NDUFS4: variants seen among roughly 807,000 people sequenced by gnomAD.
The protein encoded by NDUFS4 is NADH dehydrogenase [ubiquinone] iron-sulfur protein 4, mitochondrial.
A neutral mutation model predicts 24.3 loss-of-function variants in NDUFS4; 28 were observed. The ratio of observed to expected loss-of-function variants is 1.15; its 90% CI spans 0.85 to 1.58. The LOEUF (loss-of-function observed/expected upper bound fraction) is 1.58. NDUFS4 is among the 40% of genes most tolerant of loss of function. The pLI is 0.00. For synonymous variants in NDUFS4, 93 were observed against 69.7 expected (o/e 1.34, Z -1.67); for missense variants, 223 against 207.9 (o/e 1.07, Z -0.45).
In NDUFS4 at chr5:53,683,116, A is replaced by G; in HGVS notation, c.425-2A>G. On this transcript the variant is annotated splice_acceptor_variant, in intron 4 of 4. Coordinates refer to ENST00000296684, the MANE Select transcript of NDUFS4 (RefSeq NM_002495.4). LOFTEE classifies it high-confidence loss of function. ...GGATTTGTCTTTGTTTTTTCCTCCT[A>G]GGATGGAGCTATGACATTGAAGAGA... The G allele has an allele frequency of 1.3e-6, 2 of 1,582,146 alleles. No homozygotes were observed. The highest frequency in any genetic ancestry group is 1.7e-6 in the Non-Finnish European group (2 of 1,151,336).
chr5:53,645,940 G>A (rs1044136024), intron 2 of NDUFS4, among the ~76,000 whole-genome samples: 3 of 152,014 alleles, frequency 2.0e-5, no homozygotes, highest in African/African-American at 7.3e-5. Context: ...GCTCTTCTGC[G>A]AGCAAACAGT....
At chr5:53,577,023 G>T (rs763282041) in intron 1 of NDUFS4, among the ~76,000 whole-genome samples, 1 of 152,050 alleles carries the variant, frequency 6.6e-6, no homozygotes, top group Non-Finnish European at 1.5e-5. Context: ...ACCTTAGTTT[G>T]TCTTCTCCTT....
chr5:53,670,835 C>T (rs544836408), intron 4 of NDUFS4, among the ~76,000 whole-genome samples: 27 of 151,354 alleles, frequency 1.8e-4, no homozygotes, highest in Admixed American at 7.9e-4. Context: ...TACTGTAGGT[C>T]TCTACAGAGA....
intron 4 of NDUFS4, among the ~76,000 whole-genome samples, chr5:53,661,388 A>G (rs371641477): frequency 2.6e-5 from 4 of 151,928 alleles, no homozygotes; most frequent in African/African-American, 4.8e-5. Context: ...GTACCATGCT[A>G]TTTTGGTTAC....
At position 53,565,713 on chromosome 5, in the gene NDUFS4, G is replaced by A. The variant is rs572748713; in HGVS notation, c.98+4953G>A. On this transcript the variant is annotated intron_variant, in intron 1 of 4. Transcript: ENST00000296684. The stretch of plus-strand genomic sequence containing the variant: ...CTAGAACTCTGTTAACTTTTGGATT[G>A]AAGTTGTCTTATGAATAGATTTTGT... Among the ~76,000 whole-genome samples the A allele has an allele frequency of 3.3e-4, 50 of 152,294 alleles. 1 individual carries two copies. Among genetic ancestry groups the A allele is most frequent in the African/African-American group, 1.2e-3 (48 of 41,556 alleles).
intron 1 of NDUFS4, among the ~76,000 whole-genome samples, chr5:53,562,845 A>G (rs1164179703): frequency 6.6e-6 from 1 of 152,228 alleles, no homozygotes; most frequent in Admixed American, 6.5e-5. Flanking sequence ...TAATGCTTAG[A>G]AAAACATTTG....
intron 1 of NDUFS4, among the ~76,000 whole-genome samples, chr5:53,599,175 T>G (rs1750231973): frequency 6.6e-6 from 1 of 152,190 alleles, no homozygotes; most frequent in Non-Finnish European, 1.5e-5. Flanking sequence ...AAAATATGAT[T>G]ATTAATATTT....
Position 53,566,923 on chromosome 5 carries a change from A to G in NDUFS4, c.98+6163A>G, listed in dbSNP as rs371156401. 4.3e-4 allele frequency among the ~76,000 whole-genome samples: 62 copies of G among 145,718 alleles called. No homozygotes were observed. In the East Asian group the frequency reaches 8.6e-3, roughly 20 times the overall value. ...AAATGCAGTGGCGTGATCTCGGCTC[A>G]CTGTGAACTCTGCCTCCCAGGTTCA... On this transcript the variant is annotated intron_variant, in intron 1 of 4. Transcript: ENST00000296684.
chr5:53,648,401 C>T (rs1751923836), intron 3 of NDUFS4, among the ~76,000 whole-genome samples: 1 of 152,182 alleles, frequency 6.6e-6, no homozygotes, highest in South Asian at 2.1e-4. Flanking sequence ...CATTTGGCTT[C>T]CAAACTTTTT....
chr5:53,584,807 G>A (rs536929021), intron 1 of NDUFS4, among the ~76,000 whole-genome samples: 40 of 150,882 alleles, frequency 2.7e-4, no homozygotes, highest in African/African-American at 8.5e-4. Context: ...TCACTCTGTC[G>A]CCCAAGGTGG....
chr5:53,583,544 A>G (rs1258887946), intron 1 of NDUFS4, among the ~76,000 whole-genome samples: 2 of 152,216 alleles, frequency 1.3e-5, no homozygotes, highest in Non-Finnish European at 2.9e-5. Context: ...GTATAAACCC[A>G]GACTTTGGAA....
At chr5:53,640,816 G>A (rs1204812043) in intron 2 of NDUFS4, among the ~76,000 whole-genome samples, 1 of 152,052 alleles carries the variant, frequency 6.6e-6, no homozygotes, top group Non-Finnish European at 1.5e-5. Context: ...AGACTTTGTT[G>A]CTATAGTGGT....
intron 3 of NDUFS4, among the ~76,000 whole-genome samples, chr5:53,650,315 T>A: frequency 6.6e-6 from 1 of 152,168 alleles, no homozygotes; most frequent in Non-Finnish European, 1.5e-5. Context: ...ATTGCAAGGT[T>A]TGTGGCTGAG....
At chr5:53,562,910 A>G (rs1453228494) in intron 1 of NDUFS4, among the ~76,000 whole-genome samples, 1 of 150,840 alleles carries the variant, frequency 6.6e-6, no homozygotes, top group Non-Finnish European at 1.5e-5. Context: ...TGGAATCAGT[A>G]AGGTAAGGAG....
chr5:53,599,907 T>C (rs189085034), intron 1 of NDUFS4, among the ~76,000 whole-genome samples: 246 of 152,242 alleles, frequency 1.6e-3, no homozygotes, highest in African/African-American at 5.3e-3. Context: ...TACAGGCTAA[T>C]CAACAAACAG....
chr5:53,630,553 T>C (rs1751382416), intron 2 of NDUFS4, among the ~76,000 whole-genome samples: 1 of 152,180 alleles, frequency 6.6e-6, no homozygotes, highest in Non-Finnish European at 1.5e-5. Context: ...CATAATCGTA[T>C]ATTTCTTGGA....
At chr5:53,595,187 C>T (rs942360632) in intron 1 of NDUFS4, among the ~76,000 whole-genome samples, 2 of 152,062 alleles carry the variant, frequency 1.3e-5, no homozygotes, top group African/African-American at 4.8e-5. Flanking sequence ...TGTTACCTGG[C>T]AAGGAAATCT....
chr5:53,599,018 A>AGAATGTTTTTAAGTTTGTCAAAAAT (rs952815971), intron 1 of NDUFS4, among the ~76,000 whole-genome samples: 1 of 152,014 alleles, frequency 6.6e-6, no homozygotes, highest in African/African-American at 2.4e-5. Flanking sequence ...CATGAGGCAA[A>AGAATGTTTTTAAGTTTGTCAAAAAT]GAATGTTTTT....
chr5:53,611,298 G>T (rs1168104191), intron 2 of NDUFS4, among the ~76,000 whole-genome samples: 1 of 150,722 alleles, frequency 6.6e-6, no homozygotes, highest in African/African-American at 2.4e-5. Context: ...AGTCTGCTTA[G>T]CATTTTCTAG....
Sources: allele counts gnomAD v4.1 joint callset (sites outside exome capture counted in the v4.1 genomes callset), GRCh38; gene constraint gnomAD v4.1.1; transcripts MANE v1.5; gene names NCBI Gene and HGNC (gene_info 2026-07-23, HGNC 2026-07-21).